Variants in ARHGAP32 observed in about 807,000 individuals in gnomAD.
The protein encoded by ARHGAP32 is rho GTPase-activating protein 32.
ARHGAP32 carries 51 observed loss-of-function variants against 186.5 expected under a neutral mutation model. The observed-to-expected ratio is 0.27, with a 90% CI of 0.22 to 0.35. ARHGAP32 has a LOEUF of 0.35. Ranked by LOEUF, ARHGAP32 falls within the 10% of genes least tolerant of loss-of-function variation. ARHGAP32 has a pLI of 1.00. For missense variants in ARHGAP32, 2,186 were observed against 2,623.5 expected (o/e 0.83, Z 3.64); for synonymous variants, 950 against 964.3 (o/e 0.99, Z 0.27).
intron 1 of ARHGAP32, among the ~76,000 whole-genome samples, chr11:129,227,432 T>C (rs1411626145): frequency 6.6e-6 from 1 of 150,814 alleles, no homozygotes; most frequent in Non-Finnish European, 1.5e-5. Flanking sequence ...ACATTAAATG[T>C]ACAAAGACTA....
chr11:129,064,800 T>C (rs2135150311), intron 8 of ARHGAP32, 41 bp downstream of exon 8: 3 of 1,444,418 alleles, frequency 2.1e-6, no homozygotes, highest in Non-Finnish European at 2.8e-6. Flanking sequence ...AAGTAGATAA[T>C]TTAAATATAC....
intron 1 of ARHGAP32, among the ~76,000 whole-genome samples, chr11:129,199,633 G>C (rs1346537368): frequency 1.3e-5 from 2 of 152,262 alleles, no homozygotes; most frequent in African/African-American, 2.4e-5. Context: ...AAAACACCTA[G>C]ATGTCCAGGC....
In ARHGAP32 at chr11:129,276,891, G is replaced by T. The variant is rs899881839; in HGVS notation, c.-5+2255C>A. On this transcript the variant is annotated intron_variant, in intron 1 of 6. Transcript: ENST00000525234. ...AGGTACGCTGTCACACAGCTACTAT[G>T]GGGCAGAACTGCAACCACAACCTAA... 6.6e-5 allele frequency among the ~76,000 whole-genome samples: 10 copies of T among 152,312 alleles called. No homozygotes were observed. The South Asian group carries it at 1.9e-3, about 28-fold the overall frequency.
Position 129,093,745 on chromosome 11 carries a change from T to C in ARHGAP32, c.445-38A>G, listed in dbSNP as rs1461021987. ...AAAAAAAGAAGAGGGGGAAAGAAAG[T>C]CATGATTAGTAAACGAGAATAAACT... On this transcript the variant is annotated intron_variant, in intron 5 of 22. Transcript: ENST00000682385. The C allele has an allele frequency of 5.7e-6, 8 of 1,398,184 alleles. No homozygotes were observed. The Admixed American group carries it at 7.9e-5, about 14-fold the overall frequency. The allele number at this position is 1,398,184 out of a possible 1,614,324, so 86.6% of individuals were successfully genotyped here.
intron 1 of ARHGAP32, among the ~76,000 whole-genome samples, chr11:129,197,900 A>G (rs967988244): frequency 3.3e-4 from 51 of 152,320 alleles, no homozygotes; most frequent in African/African-American, 1.2e-3. Context: ...CATTATATAT[A>G]CATTGACATT....
intron 6 of ARHGAP32, among the ~76,000 whole-genome samples, chr11:129,084,904 C>T (rs1017451875): frequency 5.9e-5 from 9 of 152,058 alleles, no homozygotes; most frequent in African/African-American, 1.7e-4. Context: ...AAAGAACTGA[C>T]AAAAAACTCC....
intron 5 of ARHGAP32, among the ~76,000 whole-genome samples, chr11:129,103,117 G>A (rs1276684514): frequency 1.3e-5 from 2 of 152,256 alleles, no homozygotes; most frequent in East Asian, 1.9e-4. Flanking sequence ...GATGAACACT[G>A]TGCTCATGTT....
At chr11:129,060,479 A>T (rs1031512620) in intron 10 of ARHGAP32, among the ~76,000 whole-genome samples, 1 of 152,208 alleles carries the variant, frequency 6.6e-6, no homozygotes. Flanking sequence ...TCTTTTGATC[A>T]TCTTTGAGAC....
chr11:129,177,295 A>G (rs1385914449), intron 1 of ARHGAP32, among the ~76,000 whole-genome samples: 2 of 151,598 alleles, frequency 1.3e-5, no homozygotes, highest in African/African-American at 4.8e-5. Context: ...GCAATAATCA[A>G]TAGCTTACCA....
chr11:129,110,017 C>T (rs2135335446), intron 5 of ARHGAP32, among the ~76,000 whole-genome samples: 1 of 152,196 alleles, frequency 6.6e-6, no homozygotes, highest in East Asian at 1.9e-4. Flanking sequence ...AAATCTTTGC[C>T]AAGACCAATA....
chr11:129,146,333 T>G (rs950019215), intron 2 of ARHGAP32, among the ~76,000 whole-genome samples: 2 of 152,114 alleles, frequency 1.3e-5, no homozygotes, highest in African/African-American at 4.8e-5. Context: ...TTCATAAGCT[T>G]TAAACTGTGT....
intron 6 of ARHGAP32, among the ~76,000 whole-genome samples, chr11:129,090,842 CT>C (rs1941555995): frequency 6.6e-6 from 1 of 152,032 alleles, no homozygotes; most frequent in South Asian, 2.1e-4. Context: ...TAATTTTGGC[CT>C]TTTAAAATTA....
intron 1 of ARHGAP32, among the ~76,000 whole-genome samples, chr11:129,164,838 T>C (rs554437741): frequency 1.3e-5 from 2 of 152,244 alleles, no homozygotes; most frequent in South Asian, 4.1e-4. Flanking sequence ...TTCCAATCAA[T>C]GGAGCAGAGT....
intron 1 of ARHGAP32, among the ~76,000 whole-genome samples, chr11:129,274,309 A>C (rs528099407): frequency 1.9e-4 from 29 of 152,188 alleles, no homozygotes; most frequent in Non-Finnish European, 4.0e-4. Flanking sequence ...TAACCTCAAG[A>C]GAAAACTCTG....
intron 2 of ARHGAP32, among the ~76,000 whole-genome samples, chr11:129,158,623 C>T (rs1943464993): frequency 6.6e-6 from 1 of 152,140 alleles, no homozygotes; most frequent in African/African-American, 2.4e-5. Flanking sequence ...GAGACTTTAA[C>T]ACTCCACTGT....
intron 1 of ARHGAP32, among the ~76,000 whole-genome samples, chr11:129,187,824 A>ACTTAT (rs1944193519): frequency 2.6e-5 from 4 of 152,318 alleles, no homozygotes; most frequent in Non-Finnish European, 1.5e-5. Flanking sequence ...CATAAGTAAT[A>ACTTAT]GGTTATTAAA....
At chr11:129,190,718 T>G (rs1232297555) in intron 1 of ARHGAP32, among the ~76,000 whole-genome samples, 3 of 152,150 alleles carry the variant, frequency 2.0e-5, no homozygotes, top group Non-Finnish European at 4.4e-5. Context: ...CCAAATAACT[T>G]CCATAATTTG....
Position 129,063,964 on chromosome 11 carries a change from C to A in ARHGAP32, c.823G>T (p.Val275Phe). ...HEESSINTPA[V>F]GAAHVIKRYT... ...CTCTTGATAACATGGGCAGCACCGA[C>A]AGCAGGAGTGTTGATGGATGACTCC... Residue 275 changes from valine (V) to phenylalanine (F), a missense_variant, in exon 9 of 23, where the codon GTC becomes TTC. Physicochemically the swap from Val to Phe is conservative, Grantham distance 50. Coordinates refer to ENST00000682385, the MANE Select transcript of ARHGAP32 (RefSeq NM_001378024.1). The A allele has an allele frequency of 6.2e-7, 1 of 1,612,916 alleles. No individual in the cohort carries two copies. The highest frequency in any genetic ancestry group is 8.5e-7 in the Non-Finnish European group (1 of 1,179,302).
intron 1 of ARHGAP32, among the ~76,000 whole-genome samples, chr11:129,198,471 G>A (rs996970899): frequency 6.6e-6 from 1 of 152,138 alleles, no homozygotes. Flanking sequence ...TCATGGGGGT[G>A]GTTTCTCTTA....
Sources: gnomAD v4.1 joint callset for allele counts (sites outside exome capture counted in the v4.1 genomes callset) on GRCh38, gnomAD v4.1.1 for gene constraint, MANE v1.5 for transcripts, NCBI Gene and HGNC (gene_info 2026-07-23, HGNC 2026-07-21) for gene names.